Variants in CD226 observed in about 807,000 individuals in gnomAD.
The protein encoded by CD226 is CD226 molecule.
Under a neutral mutation model 34.9 loss-of-function variants are expected in CD226, and 24 were observed. The observed-to-expected ratio is 0.69, with a 90% CI of 0.50 to 0.97. CD226 has a LOEUF of 0.97. Among genes scored for constraint, CD226 ranks in the 50% least tolerant of loss-of-function variants. The pLI, the probability that CD226 is intolerant of heterozygous loss-of-function variation, is 0.00. For missense variants in CD226, 397 were observed against 412.7 expected (o/e 0.96, Z 0.33); for synonymous variants, 148 against 147.4 (o/e 1.00, Z -0.03).
rs899907402 is a variant in CD226 at position 69,860,760 on chromosome 18, A to C, written c.*3554T>G. The C allele has an allele frequency of 3.9e-5, 6 of 152,176 alleles. No homozygotes were observed. In the South Asian group the frequency reaches 1.2e-3, roughly 31 times the overall value. The allele number at this position is 152,176 out of a possible 1,614,324, so 9.4% of individuals were successfully genotyped here. On this transcript the variant is annotated 3_prime_UTR_variant, in exon 6 of 6. Transcript: ENST00000582621. ...AGATGTTACATTTTAATAGTAGCTA[A>C]ACTAATGATGACATGTTTATATTGT...
rs1253222186 is a variant in CD226, at chr18:69,861,540, GTGTATATATATA to G, written c.*2762_*2773del. The G allele has an allele frequency of 2.6e-4, 12 of 45,788 alleles. No homozygotes were observed. Among genetic ancestry groups the G allele is most frequent in the East Asian group, 8.7e-4 (1 of 1,154 alleles). The allele number at this position is 45,788 out of a possible 1,614,324, so 2.8% of individuals were successfully genotyped here. A position where few individuals can be genotyped will look rare whatever the true frequency, so the allele number is the denominator to read the frequency against. On this transcript the variant is annotated 3_prime_UTR_variant, in exon 6 of 6. Coordinates refer to ENST00000582621, the MANE Select transcript of CD226 (RefSeq NM_001303618.2). ...TATTATCCATCGATATAAATTATAT[GTGTATATATATA>G]TGTATATATATATATATATATGTAA...
At chr18:69,871,801 A>C (rs1983539115) in intron 4 of CD226, among the ~76,000 whole-genome samples, 1 of 152,208 alleles carries the variant, frequency 6.6e-6, no homozygotes, top group African/African-American at 2.4e-5. Context: ...AGGGTTAATG[A>C]CAGGGTTAAT....
intron 2 of CD226, among the ~76,000 whole-genome samples, chr18:69,903,040 A>G (rs149193093): frequency 6.6e-6 from 1 of 152,336 alleles, no homozygotes; most frequent in East Asian, 1.9e-4. Flanking sequence ...AAGCAAAAGA[A>G]ATAGAAAGGC....
intron 3 of CD226, among the ~76,000 whole-genome samples, chr18:69,885,729 C>G (rs1984518940): frequency 6.6e-6 from 1 of 152,136 alleles, no homozygotes; most frequent in East Asian, 1.9e-4. Flanking sequence ...AGCACCTCCC[C>G]TCCAGGCCTT....
chr18:69,886,421 T>A (rs773841838), intron 3 of CD226, among the ~76,000 whole-genome samples: 12 of 152,152 alleles, frequency 7.9e-5, no homozygotes, highest in Admixed American at 1.3e-4. Flanking sequence ...AACTTCAAAA[T>A]GTGACCAGGT....
chr18:69,891,893 A>C (rs778008142), intron 3 of CD226, among the ~76,000 whole-genome samples: 29 of 152,232 alleles, frequency 1.9e-4, no homozygotes, highest in Non-Finnish European at 4.3e-4. Context: ...CAATTATATG[A>C]GATGCAGGTT....
At chr18:69,941,406 G>A (rs964967560) in intron 2 of CD226, among the ~76,000 whole-genome samples, 8 of 152,226 alleles carry the variant, frequency 5.3e-5, no homozygotes, top group African/African-American at 1.9e-4. Context: ...GCCAAGAGGG[G>A]AGGCTGTACC....
chr18:69,951,858 T>C (rs559743460), upstream of CD226, among the ~76,000 whole-genome samples: 1 of 152,218 alleles, frequency 6.6e-6, no homozygotes, highest in African/African-American at 2.4e-5. Flanking sequence ...CTATGGAAAA[T>C]AGTATGGCAG....
intron 2 of CD226, among the ~76,000 whole-genome samples, chr18:69,918,484 G>T (rs1188905996): frequency 2.0e-5 from 3 of 152,172 alleles, no homozygotes; most frequent in African/African-American, 7.2e-5. Flanking sequence ...CTTGAACTTG[G>T]CAGGTGGAGG....
intron 2 of CD226, among the ~76,000 whole-genome samples, chr18:69,913,161 A>G (rs1489655190): frequency 6.6e-6 from 1 of 152,226 alleles, no homozygotes; most frequent in Non-Finnish European, 1.5e-5. Flanking sequence ...CCCAGCAACC[A>G]CAGCCATCTT....
Position 69,855,966 on chromosome 18 carries a change from C to T in CD226, c.*8348G>A, listed in dbSNP as rs1236413573. 1.3e-5 allele frequency: 2 copies of T among 151,838 alleles called. No individual in the cohort carries two copies. Among genetic ancestry groups the T allele is most frequent in the South Asian group, 2.1e-4 (1 of 4,804 alleles). 9.4% of individuals were successfully genotyped at this position (151,838 alleles called of 1,614,324 possible). A position where few individuals can be genotyped will look rare whatever the true frequency, so the allele number is the denominator to read the frequency against. On this transcript the variant is annotated 3_prime_UTR_variant, in exon 6 of 6. Coordinates refer to ENST00000582621, the MANE Select transcript of CD226 (RefSeq NM_001303618.2). ...ACAGGTATCAAAACATCACATGTAC[C>T]CCCCAAATATATACAACTCCTATAT...
At chr18:69,864,500 C>A in intron 5 of CD226, 61 bp from the exon 6 acceptor site, 1 of 1,520,306 alleles carries the variant, frequency 6.6e-7, no homozygotes, top group Non-Finnish European at 9.0e-7. Flanking sequence ...CTAATGAAGA[C>A]ATTCAAAACA....
chr18:69,934,308 A>G (rs906152809), intron 2 of CD226, among the ~76,000 whole-genome samples: 18 of 150,904 alleles, frequency 1.2e-4, no homozygotes, highest in East Asian at 3.9e-4. Context: ...ACACACACAC[A>G]CACGCACGCA....
chr18:69,940,861 C>T (rs1290574867), intron 2 of CD226, among the ~76,000 whole-genome samples: 1 of 152,212 alleles, frequency 6.6e-6, no homozygotes, highest in African/African-American at 2.4e-5. Flanking sequence ...GTCTCCAAGG[C>T]ATGTCAGAGA....
intron 3 of CD226, among the ~76,000 whole-genome samples, chr18:69,889,842 A>G (rs1984784040): frequency 6.6e-6 from 1 of 152,216 alleles, no homozygotes; most frequent in South Asian, 2.1e-4. Context: ...TAGCTGTGGC[A>G]CTATGATTTC....
At chr18:69,933,484 C>G (rs1428613845) in intron 2 of CD226, among the ~76,000 whole-genome samples, 1 of 152,218 alleles carries the variant, frequency 6.6e-6, no homozygotes, top group Non-Finnish European at 1.5e-5. Context: ...TTTCCCCAAA[C>G]CAGAAGTAAC....
At chr18:69,877,952 C>A (rs1038671178) in intron 3 of CD226, among the ~76,000 whole-genome samples, 6 of 152,176 alleles carry the variant, frequency 3.9e-5, no homozygotes, top group African/African-American at 1.4e-4. Flanking sequence ...CATTCCCTGC[C>A]TTGCCTGCAG....
intron 3 of CD226, among the ~76,000 whole-genome samples, chr18:69,879,683 A>C (rs1446019251): frequency 6.6e-6 from 1 of 152,244 alleles, no homozygotes; most frequent in Non-Finnish European, 1.5e-5. Context: ...TCAGCTTACG[A>C]AGATGACGGG....
intron 2 of CD226, among the ~76,000 whole-genome samples, chr18:69,919,876 C>CTT (rs113345493): frequency 1.3e-3 from 188 of 140,602 alleles, no homozygotes; most frequent in African/African-American, 4.6e-3. Flanking sequence ...TGTTGTCACT[C>CTT]TTTTTTTTTT....
Sources: allele counts gnomAD v4.1 joint callset (sites outside exome capture counted in the v4.1 genomes callset), GRCh38; gene constraint gnomAD v4.1.1; transcripts MANE v1.5; gene names NCBI Gene and HGNC (gene_info 2026-07-23, HGNC 2026-07-21).